Variants in EYA2 observed in about 807,000 individuals in gnomAD.
The protein encoded by EYA2 is EYA transcriptional coactivator and phosphatase 2.
EYA2 carries 31 observed loss-of-function variants against 69.2 expected under a neutral mutation model. That is an observed-to-expected ratio of 0.45 (90% CI 0.34 to 0.60). The LOEUF is 0.60. Ranked by LOEUF, EYA2 falls within the 20% of genes least tolerant of loss-of-function variation. EYA2 has a pLI of 0.02. For synonymous variants in EYA2, 257 were observed against 279.4 expected (o/e 0.92, Z 0.80); for missense variants, 622 against 701.2 (o/e 0.89, Z 1.28).
At chr20:47,164,012 C>A (rs1255324629) in intron 10 of EYA2, among the ~76,000 whole-genome samples, 3 of 152,182 alleles carry the variant, frequency 2.0e-5, no homozygotes, top group Non-Finnish European at 2.9e-5. Context: ...ATTCAGCACC[C>A]ACCCCAAGAT....
intron 1 of EYA2, among the ~76,000 whole-genome samples, chr20:46,987,485 A>G (rs1444895042): frequency 6.6e-6 from 1 of 152,066 alleles, no homozygotes; most frequent in African/African-American, 2.4e-5. Context: ...CCAAAATTAC[A>G]TCCCCTCCTA....
chr20:47,090,822 A>G (rs1400650501), intron 8 of EYA2, among the ~76,000 whole-genome samples: 1 of 152,202 alleles, frequency 6.6e-6, no homozygotes, highest in African/African-American at 2.4e-5. Flanking sequence ...CATTTTCCCA[A>G]AAACAAAACA....
At chr20:46,946,726 C>T (rs1014932630) in intron 1 of EYA2, among the ~76,000 whole-genome samples, 3 of 151,072 alleles carry the variant, frequency 2.0e-5, no homozygotes, top group Non-Finnish European at 4.5e-5. Context: ...TATACAAAAC[C>T]AGACAGCAGC....
At chr20:47,141,878 T>C (rs1416229735) in intron 9 of EYA2, among the ~76,000 whole-genome samples, 2 of 152,250 alleles carry the variant, frequency 1.3e-5, no homozygotes, top group African/African-American at 4.8e-5. Flanking sequence ...TATGTGCTCC[T>C]TCTTGTAGCA....
At chr20:47,057,093 A>AAGGAAGGAGGGAGGG (rs1304056426) in intron 5 of EYA2, among the ~76,000 whole-genome samples, 4 of 129,194 alleles carry the variant, frequency 3.1e-5, no homozygotes, top group East Asian at 2.7e-4. Flanking sequence ...GGAAGGAAGA[A>AAGGAAGGAGGGAGGG]AGGAAGGAGG....
At chr20:47,016,052 T>C (rs542413714) in intron 4 of EYA2, 129 bp from the exon 5 acceptor site, 2 of 724,818 alleles carry the variant, frequency 2.8e-6, no homozygotes, top group South Asian at 3.3e-5. Flanking sequence ...AAGCCACCAG[T>C]TTGCAACTCC....
chr20:47,016,257 C>T lies in EYA2; in HGVS notation c.375C>T (p.Thr125=). Residue 125 remains threonine (T), a synonymous_variant, in exon 5 of 16, where the codon ACC becomes ACT. Coordinates refer to ENST00000327619, the MANE Select transcript of EYA2 (RefSeq NM_005244.5). Reference sequence around the variant, plus strand: ...TCAGCTATGGCTCCAGCTTCAGCACCTCACCCACTGGACAGAGCCCATACA... The same window carrying T: ...TCAGCTATGGCTCCAGCTTCAGCACTTCACCCACTGGACAGAGCCCATACA... ...GFLSYGSSFS[T]SPTGQSPYTY... 6.2e-7 allele frequency: 1 copy of T among 1,614,204 alleles called. No homozygotes were observed. Among genetic ancestry groups the T allele is most frequent in the Non-Finnish European group, 8.5e-7 (1 of 1,180,030 alleles).
At chr20:46,989,356 C>G (rs142796575) in intron 1 of EYA2, among the ~76,000 whole-genome samples, 1,824 of 152,256 alleles carry the variant, frequency 0.012, 17 homozygotes, top group Middle Eastern at 0.068. Context: ...ACCTCTGCCT[C>G]CCGGGTTCAA....
At chr20:47,131,218 G>A (rs1389201432) in intron 9 of EYA2, among the ~76,000 whole-genome samples, 2 of 152,240 alleles carry the variant, frequency 1.3e-5, no homozygotes, top group Non-Finnish European at 2.9e-5. Context: ...CACATGGGTT[G>A]TGGGACAATT....
intron 5 of EYA2, among the ~76,000 whole-genome samples, chr20:47,026,367 C>G (rs921080514): frequency 3.3e-5 from 5 of 152,166 alleles, no homozygotes; most frequent in African/African-American, 1.2e-4. Flanking sequence ...GTGGAAAAGG[C>G]TTTTCTAACC....
At position 47,146,772 on chromosome 20, in the gene EYA2, A is replaced by G. The variant is rs919370755; in HGVS notation, c.978+3624A>G. 3.9e-5 allele frequency among the ~76,000 whole-genome samples: 6 copies of G among 152,200 alleles called. No individual in the cohort carries two copies. The South Asian group carries it at 6.2e-4, about 16-fold the overall frequency. The stretch of plus-strand genomic sequence containing the variant: ...CGAGCCTGTAGTAGTACCACCTGTA[A>G]GGGAGTTCCTTCCCGCGTCCAGCAG... On this transcript the variant is annotated intron_variant, in intron 10 of 15. Transcript: ENST00000327619.
rs79932678 is a variant in EYA2, at chr20:47,110,602, A to G, written c.888+13434A>G. Among the ~76,000 whole-genome samples, 12 of 152,328 alleles carry G rather than the reference A, an allele frequency of 7.9e-5. No individual in the cohort carries two copies. The East Asian group carries it at 2.3e-3, about 29-fold the overall frequency. On this transcript the variant is annotated intron_variant, in intron 9 of 15. Transcript: ENST00000327619. ...AGGGTAAAAATTAAAAGCCTCTGGA[A>G]TGAACTCTTCTGCTGCCTCTTAGCT...
chr20:47,050,962 C>T (rs1326936890), intron 5 of EYA2, among the ~76,000 whole-genome samples: 1 of 152,260 alleles, frequency 6.6e-6, no homozygotes, highest in Non-Finnish European at 1.5e-5. Context: ...CGAGCATTGC[C>T]ATGGGAGGTC....
intron 3 of EYA2, among the ~76,000 whole-genome samples, chr20:47,004,153 T>A (rs1405024599): frequency 6.6e-6 from 1 of 152,216 alleles, no homozygotes; most frequent in African/African-American, 2.4e-5. Context: ...AAATCAACTC[T>A]GGCTGATATA....
rs531568489 is a variant in EYA2 at position 47,149,882 on chromosome 20, CAT to C, written c.978+6736_978+6737del. On this transcript the variant is annotated intron_variant, in intron 10 of 15. Coordinates refer to ENST00000327619, the MANE Select transcript of EYA2 (RefSeq NM_005244.5). ...AAGTAAATAAATACATACATACACA[CAT>C]ACACACACGCAAGATTTGCAGGCAA... 6.5e-4 allele frequency among the ~76,000 whole-genome samples: 99 copies of C among 152,216 alleles called. 1 individual carries two copies. The South Asian group carries it at 0.02, about 31-fold the overall frequency.
Position 47,179,917 on chromosome 20 carries a change from G to A in EYA2, c.1313+5G>A, listed in dbSNP as rs1227694081. 6.2e-7 allele frequency: 1 copy of A among 1,610,348 alleles called. No individual in the cohort carries two copies. The highest frequency in any genetic ancestry group is 1.7e-5 in the Admixed American group (1 of 59,982). On this transcript the variant is annotated splice_donor_5th_base_variant and intron_variant, in intron 13 of 15. Transcript: ENST00000327619. ...ACTAAACCTCATCAACTCCCGGCAAGTGGCAGCCCTCATTTTCCTCTGTGC... is the reference window on the plus strand; with the variant it reads ...ACTAAACCTCATCAACTCCCGGCAAATGGCAGCCCTCATTTTCCTCTGTGC...
chr20:47,170,897 A>G (rs369673811), intron 11 of EYA2, among the ~76,000 whole-genome samples: 1 of 152,232 alleles, frequency 6.6e-6, no homozygotes, highest in African/African-American at 2.4e-5. Flanking sequence ...CTGCAAAAAC[A>G]AAAATCAAAA....
intron 5 of EYA2, among the ~76,000 whole-genome samples, chr20:47,041,420 T>C (rs1985061213): frequency 6.6e-6 from 1 of 152,238 alleles, no homozygotes; most frequent in Non-Finnish European, 1.5e-5. Flanking sequence ...CAGTTTCTTC[T>C]GTGTCCTTCA....
intron 9 of EYA2, among the ~76,000 whole-genome samples, chr20:47,120,165 G>A (rs1327676881): frequency 2.0e-5 from 3 of 152,116 alleles, no homozygotes; most frequent in African/African-American, 7.2e-5. Context: ...CCAAGATTGT[G>A]CCATTGCACT....
Sources: allele counts gnomAD v4.1 joint callset (sites outside exome capture counted in the v4.1 genomes callset), GRCh38; gene constraint gnomAD v4.1.1; transcripts MANE v1.5; gene names NCBI Gene and HGNC (gene_info 2026-07-23, HGNC 2026-07-21).